Variants in CSMD3 observed in about 807,000 individuals in gnomAD.
CSMD3 encodes the protein CUB and sushi domain-containing protein 3.
CSMD3 carries 177 observed loss-of-function variants against 435.2 expected under a neutral mutation model. That is an observed-to-expected ratio of 0.41 (90% CI 0.36 to 0.46). CSMD3 has a LOEUF of 0.46. Ranked by LOEUF, CSMD3 falls within the 20% of genes least tolerant of loss-of-function variation. The probability of loss-of-function intolerance (pLI) is 0.34; values close to 1 mark genes in which losing one functional copy is unlikely to be tolerated. For missense variants in CSMD3, 4,265 were observed against 4,504.6 expected (o/e 0.95, Z 1.52); for synonymous variants, 1,656 against 1,520.5 (o/e 1.09, Z -2.07).
intron 23 of CSMD3, among the ~76,000 whole-genome samples, chr8:112,585,999 A>G (rs567817425): frequency 6.6e-5 from 10 of 151,704 alleles, no homozygotes; most frequent in Non-Finnish European, 1.3e-4. Flanking sequence ...TGCAGAAAAT[A>G]AGAATGCATA....
chr8:113,411,580 A>C (rs537186652), intron 1 of CSMD3, among the ~76,000 whole-genome samples: 1 of 152,332 alleles, frequency 6.6e-6, no homozygotes, highest in South Asian at 2.1e-4. Context: ...AGATTGACTC[A>C]GTTGAGCTAG....
At position 112,685,722 on chromosome 8, in the gene CSMD3, C is replaced by G. The variant is rs2131806250; in HGVS notation, c.2166G>C (p.Leu722=). The change falls in exon 15 of 71, where the codon CTG becomes CTC. Residue 722 remains leucine, a synonymous_variant. Transcript: ENST00000297405. ...TTCCCATTGGTGCAGTAAAGTTAGACAGGCAGGGAACTGGTGAAACAGGAA... is the reference window on the plus strand; with the variant it reads ...TTCCCATTGGTGCAGTAAAGTTAGAGAGGCAGGGAACTGGTGAAACAGGAA... ...ANIPICIFPC[L]SNFTAPMGTV... The G allele has an allele frequency of 6.2e-7, 1 of 1,603,974 alleles. No homozygotes were observed. Among genetic ancestry groups the G allele is most frequent in the African/African-American group, 1.3e-5 (1 of 74,792 alleles).
intron 3 of CSMD3, among the ~76,000 whole-genome samples, chr8:113,208,652 A>G (rs954105258): frequency 6.6e-6 from 1 of 152,148 alleles, no homozygotes; most frequent in Non-Finnish European, 1.5e-5. Context: ...TATGGAGTGC[A>G]TATCACATAA....
At chr8:112,488,156 C>T (rs73700938) in intron 31 of CSMD3, among the ~76,000 whole-genome samples, 4 of 152,126 alleles carry the variant, frequency 2.6e-5, no homozygotes, top group Non-Finnish European at 4.4e-5. Flanking sequence ...CAGTGTCCAA[C>T]TTAAGCTCTT....
intron 10 of CSMD3, among the ~76,000 whole-genome samples, chr8:112,882,779 G>A (rs1286792854): frequency 6.6e-6 from 1 of 151,934 alleles, no homozygotes; most frequent in Admixed American, 6.6e-5. Flanking sequence ...TCCTTTATCT[G>A]CCACACTGAA....
At chr8:112,751,410 C>T (rs906646894) in intron 13 of CSMD3, among the ~76,000 whole-genome samples, 11 of 151,960 alleles carry the variant, frequency 7.2e-5, no homozygotes, top group African/African-American at 2.4e-4. Context: ...CAAATATGTC[C>T]ATAAGAAAGC....
rs1286548713 is a variant in CSMD3 at position 112,937,350 on chromosome 8, A to ATT, written c.1508+10439_1508+10440insAA. On this transcript the variant is annotated intron_variant, in intron 9 of 70. Transcript: ENST00000297405. The stretch of plus-strand genomic sequence containing the variant: ...TCTTTGTTTTTGGACCTAGGTAATA[A>ATT]TGTTTTTTTTTTTTTTTTGAGACAG... Among the ~76,000 whole-genome samples the ATT allele has an allele frequency of 1.8e-3, 236 of 129,894 alleles. 1 individual carries two copies. Among genetic ancestry groups the ATT allele is most frequent in the African/African-American group, 6.3e-3 (221 of 35,170 alleles). 85.2% of individuals were successfully genotyped at this position (129,894 alleles called of 152,430 possible). A position where few individuals can be genotyped will look rare whatever the true frequency, so the allele number is the denominator to read the frequency against.
At chr8:112,301,222 A>G (rs1820891688) in intron 53 of CSMD3, among the ~76,000 whole-genome samples, 1 of 152,084 alleles carries the variant, frequency 6.6e-6, no homozygotes, top group South Asian at 2.1e-4. Context: ...AGGCAGGGTA[A>G]GAAGAACGAA....
chr8:113,162,092 G>A (rs998712265), intron 4 of CSMD3, among the ~76,000 whole-genome samples: 3 of 152,094 alleles, frequency 2.0e-5, no homozygotes, highest in African/African-American at 7.2e-5. Context: ...AATTAAAGTG[G>A]AGCAGAAGGA....
intron 10 of CSMD3, 95 bp downstream of exon 10, chr8:112,921,532 T>C (rs2130628194): frequency 9.6e-7 from 1 of 1,039,472 alleles, no homozygotes; most frequent in Non-Finnish European, 1.5e-6. Flanking sequence ...TTAAAGATTA[T>C]ATTACAATTC....
At chr8:112,525,799 T>TATAC (rs1021888671) in intron 27 of CSMD3, among the ~76,000 whole-genome samples, 8 of 131,342 alleles carry the variant, frequency 6.1e-5, no homozygotes, top group Non-Finnish European at 1.3e-4. Context: ...TATATATGTA[T>TATAC]ATATATATAT....
intron 10 of CSMD3, among the ~76,000 whole-genome samples, chr8:112,894,922 T>C (rs2081907661): frequency 6.6e-6 from 1 of 151,336 alleles, no homozygotes; most frequent in Admixed American, 6.6e-5. Context: ...AACACTGGAA[T>C]GGATAATAAA....
At chr8:112,631,129 A>C (rs1381758851) in intron 22 of CSMD3, among the ~76,000 whole-genome samples, 1 of 152,160 alleles carries the variant, frequency 6.6e-6, no homozygotes, top group African/African-American at 2.4e-5. Context: ...TCAATGACTA[A>C]GAAATGCCCA....
At chr8:113,413,363 T>C (rs2094567877) in intron 1 of CSMD3, among the ~76,000 whole-genome samples, 1 of 152,156 alleles carries the variant, frequency 6.6e-6, no homozygotes, top group Admixed American at 6.6e-5. Flanking sequence ...CTGGATCTAG[T>C]GGCTGCTATG....
At chr8:112,644,702 A>G (rs796317239) in intron 20 of CSMD3, among the ~76,000 whole-genome samples, 49 of 152,208 alleles carry the variant, frequency 3.2e-4, no homozygotes, top group African/African-American at 1.1e-3. Flanking sequence ...ATAAACAAGT[A>G]TATATAAACA....
At chr8:113,343,486 C>A (rs2094133262) in intron 1 of CSMD3, among the ~76,000 whole-genome samples, 1 of 152,048 alleles carries the variant, frequency 6.6e-6, no homozygotes, top group African/African-American at 2.4e-5. Context: ...GACTTGTAGT[C>A]CAGTGTCAAA....
At chr8:112,343,638 T>C (rs1825386293) in intron 41 of CSMD3, among the ~76,000 whole-genome samples, 14 of 152,142 alleles carry the variant, frequency 9.2e-5, no homozygotes, top group Admixed American at 9.2e-4. Context: ...TACTTAACTT[T>C]TTGTTTTTTC....
intron 12 of CSMD3, among the ~76,000 whole-genome samples, chr8:112,817,196 A>G (rs1226679405): frequency 1.3e-5 from 2 of 152,212 alleles, no homozygotes; most frequent in East Asian, 3.9e-4. Flanking sequence ...ATAGTGACAC[A>G]TGCAAAAGAA....
chr8:112,959,958 A>T (rs2130858444), intron 7 of CSMD3, among the ~76,000 whole-genome samples: 1 of 151,962 alleles, frequency 6.6e-6, no homozygotes, highest in Admixed American at 6.6e-5. Flanking sequence ...CATGTCGATT[A>T]ACTTTTCTAT....
Sources: allele counts gnomAD v4.1 joint callset (sites outside exome capture counted in the v4.1 genomes callset), GRCh38; gene constraint gnomAD v4.1.1; transcripts MANE v1.5; gene names NCBI Gene and HGNC (gene_info 2026-07-23, HGNC 2026-07-21).